Variants in ZNF277 observed in about 807,000 individuals in gnomAD.
The protein encoded by ZNF277 is zinc finger protein 277, also known as nuclear receptor-interacting factor 4.
ZNF277 carries 55 observed loss-of-function variants against 60.7 expected under a neutral mutation model. The observed-to-expected ratio is 0.91, with a 90% CI of 0.73 to 1.13. The LOEUF is 1.13. Among genes scored for constraint, ZNF277 ranks in the 50% most tolerant of loss-of-function variants. The pLI, the probability that ZNF277 is intolerant of heterozygous loss-of-function variation, is 0.00. For synonymous variants in ZNF277, 178 were observed against 179.3 expected (o/e 0.99, Z 0.06); for missense variants, 510 against 523.0 (o/e 0.98, Z 0.24).
At chr7:112,208,042 T>C (rs545143522) in intron 1 of ZNF277, among the ~76,000 whole-genome samples, 3 of 152,300 alleles carry the variant, frequency 2.0e-5, no homozygotes, top group African/African-American at 7.2e-5. Context: ...GGGCTACCAG[T>C]TTAAGATCTA....
chr7:112,310,775 C>A (rs1469674123), intron 4 of ZNF277, among the ~76,000 whole-genome samples: 1 of 152,056 alleles, frequency 6.6e-6, no homozygotes, highest in Non-Finnish European at 1.5e-5. Flanking sequence ...AGGAGTGCCA[C>A]TGGACTCCTA....
rs185682367 is a variant in ZNF277, at chr7:112,315,669, G to A, written c.466-2513G>A. 2.0e-3 allele frequency among the ~76,000 whole-genome samples: 308 copies of A among 152,228 alleles called. 2 individuals carry two copies. Among genetic ancestry groups the A allele is most frequent in the African/African-American group, 7.0e-3 (291 of 41,534 alleles). ...AAACATGAGAATTGTCTTAGAAACC[G>A]TCTTGTGCAAAACTTAACCAACTTC... On this transcript the variant is annotated intron_variant, in intron 4 of 11. Transcript: ENST00000361822.
At chr7:112,267,916 C>G (rs1434775950) in intron 1 of ZNF277, among the ~76,000 whole-genome samples, 1 of 152,124 alleles carries the variant, frequency 6.6e-6, no homozygotes, top group African/African-American at 2.4e-5. Context: ...TCTCAAGCAT[C>G]AGGAACTAAC....
At chr7:112,268,440 A>G (rs1477278492) in intron 1 of ZNF277, among the ~76,000 whole-genome samples, 1 of 152,030 alleles carries the variant, frequency 6.6e-6, no homozygotes, top group Non-Finnish European at 1.5e-5. Flanking sequence ...AATTAGTATT[A>G]TCTATATCTT....
intron 1 of ZNF277, among the ~76,000 whole-genome samples, chr7:112,275,544 G>A (rs1017164906): frequency 2.6e-5 from 4 of 152,008 alleles, no homozygotes; most frequent in African/African-American, 9.7e-5. Context: ...GACCATATAT[G>A]TTTTAAAGCG....
chr7:112,325,044 C>T (rs989894605), intron 5 of ZNF277, among the ~76,000 whole-genome samples: 1 of 152,194 alleles, frequency 6.6e-6, no homozygotes, highest in Non-Finnish European at 1.5e-5. Flanking sequence ...GAAACATCCT[C>T]ACAGACACAC....
intron 1 of ZNF277, among the ~76,000 whole-genome samples, chr7:112,232,102 A>G (rs1822354958): frequency 6.8e-6 from 1 of 147,642 alleles, no homozygotes; most frequent in South Asian, 2.1e-4. Flanking sequence ...ACTGAAAGTT[A>G]TCTCAAAGCC....
intron 2 of ZNF277, among the ~76,000 whole-genome samples, chr7:112,293,509 GGCAGAGGTTGCAGAGA>G (rs1407272918): frequency 2.6e-5 from 4 of 151,336 alleles, no homozygotes. Context: ...CAGCCCAGGA[GGCAGAGGTTGCAGAGA>G]GCTGAGATCA....
At chr7:112,342,500 AGCTAC>A (rs1793462949) in intron 11 of ZNF277, 56 bp from the exon 12 acceptor site, 2 of 1,350,028 alleles carry the variant, frequency 1.5e-6, no homozygotes, top group African/African-American at 3.0e-5. Flanking sequence ...GTGTACATTC[AGCTAC>A]CTGGACACTG....
intron 4 of ZNF277, among the ~76,000 whole-genome samples, chr7:112,313,503 T>G (rs1480504575): frequency 6.6e-6 from 1 of 152,036 alleles, no homozygotes; most frequent in Non-Finnish European, 1.5e-5. Context: ...AGGCTGTGTT[T>G]ATAGTATTAA....
Position 112,301,790 on chromosome 7 carries a change from C to T in ZNF277, c.465+5479C>T, listed in dbSNP as rs186369876. Among the ~76,000 whole-genome samples the T allele has an allele frequency of 1.3e-4, 19 of 150,992 alleles. No individual in the cohort carries two copies. The East Asian group carries it at 3.7e-3, about 29-fold the overall frequency. On this transcript the variant is annotated intron_variant, in intron 4 of 11. Coordinates refer to ENST00000361822, the MANE Select transcript of ZNF277 (RefSeq NM_021994.3). ...ATCTGTCTTCCTTACTAAGATGTCT[C>T]TTAGCAGTTTAGACTGTTGTATTAA...
intron 4 of ZNF277, among the ~76,000 whole-genome samples, chr7:112,306,467 G>A (rs10276695): frequency 0.059 from 9,003 of 152,012 alleles, 726 homozygotes; most frequent in African/African-American, 0.18. Flanking sequence ...GGCCCGCCTC[G>A]GCCTCCCAAA....
At chr7:112,296,463 A>G (rs1584387795) in intron 4 of ZNF277, 152 bp downstream of exon 4, 1 of 417,644 alleles carries the variant, frequency 2.4e-6, no homozygotes, top group Admixed American at 4.4e-5. Context: ...TTAAAACAAA[A>G]AAAAAGTATA....
intron 1 of ZNF277, among the ~76,000 whole-genome samples, chr7:112,234,169 C>T (rs1417188519): frequency 6.6e-6 from 1 of 152,120 alleles, no homozygotes; most frequent in African/African-American, 2.4e-5. Flanking sequence ...CTGCAGTAAC[C>T]ATCCTTGTAT....
At chr7:112,294,278 C>T (rs1278364970) in intron 2 of ZNF277, among the ~76,000 whole-genome samples, 2 of 152,138 alleles carry the variant, frequency 1.3e-5, no homozygotes, top group Non-Finnish European at 2.9e-5. Flanking sequence ...AGGAGTACAA[C>T]GTGTTGAAGC....
At chr7:112,337,358 G>A (rs563906997) in intron 8 of ZNF277, among the ~76,000 whole-genome samples, 1 of 152,198 alleles carries the variant, frequency 6.6e-6, no homozygotes, top group Admixed American at 6.5e-5. Flanking sequence ...CTCACAGCGT[G>A]TGCACTCAGT....
intron 1 of ZNF277, among the ~76,000 whole-genome samples, chr7:112,238,267 G>C (rs977996423): frequency 6.6e-6 from 1 of 152,196 alleles, no homozygotes; most frequent in African/African-American, 2.4e-5. Flanking sequence ...CAGTAATTGT[G>C]GGGCATTGCA....
chr7:112,264,494 G>T (rs752111125), intron 1 of ZNF277, among the ~76,000 whole-genome samples: 1 of 151,944 alleles, frequency 6.6e-6, no homozygotes, highest in Non-Finnish European at 1.5e-5. Context: ...TGAAGAATCG[G>T]TTAAACAAAT....
At chr7:112,311,552 A>G (rs1484453088) in intron 4 of ZNF277, among the ~76,000 whole-genome samples, 2 of 152,098 alleles carry the variant, frequency 1.3e-5, no homozygotes, top group Non-Finnish European at 2.9e-5. Flanking sequence ...TTTAGAAAAC[A>G]TAAATCCACA....
Sources: allele counts gnomAD v4.1 joint callset (sites outside exome capture counted in the v4.1 genomes callset), GRCh38; gene constraint gnomAD v4.1.1; transcripts MANE v1.5; gene names NCBI Gene and HGNC (gene_info 2026-07-23, HGNC 2026-07-21).